Variants in EPS8L2 observed in about 807,000 individuals in gnomAD.
The protein encoded by EPS8L2 is epidermal growth factor receptor kinase substrate 8-like protein 2.
In EPS8L2, 81 loss-of-function variants were observed where a neutral mutation model predicts 99.4. The ratio of observed to expected loss-of-function variants is 0.82; its 90% CI spans 0.68 to 0.98. The LOEUF (loss-of-function observed/expected upper bound fraction) is 0.98. Among genes scored for constraint, EPS8L2 ranks in the 50% least tolerant of loss-of-function variants. The pLI, the probability that EPS8L2 is intolerant of heterozygous loss-of-function variation, is 0.00. For missense variants in EPS8L2, 1,155 were observed against 968.8 expected (o/e 1.19, Z -2.55); for synonymous variants, 509 against 407.3 (o/e 1.25, Z -3.01).
intron 15 of EPS8L2, among the ~76,000 whole-genome samples, chr11:723,969 C>G (rs1014943342): frequency 1.3e-5 from 2 of 152,232 alleles, no homozygotes; most frequent in African/African-American, 4.8e-5. Flanking sequence ...GCATGGCCTC[C>G]CCTCACCCAC....
chr11:709,128 C>G (rs1861814363), intron 1 of EPS8L2: 1 of 523,972 alleles, frequency 1.9e-6, no homozygotes. Flanking sequence ...CACCTAGGGT[C>G]TGAGGCATGA....
At position 717,254 on chromosome 11, in the gene EPS8L2, C is replaced by T. The variant is rs896974332; in HGVS notation, c.166-2808C>T. On this transcript the variant is annotated intron_variant, in intron 4 of 20. Coordinates refer to ENST00000318562, the MANE Select transcript of EPS8L2 (RefSeq NM_022772.4). ...CCTCCCAAAGTGCTGGGATTACAGG[C>T]ATGAGCCACCGTGTCTGGCCCTGTG... Among the ~76,000 whole-genome samples the T allele has an allele frequency of 1.4e-4, 21 of 152,320 alleles. No homozygotes were observed. In the East Asian group the frequency reaches 2.1e-3, roughly 15 times the overall value.
At chr11:707,215 C>G (rs555780323) in intron 1 of EPS8L2, among the ~76,000 whole-genome samples, 14 of 152,288 alleles carry the variant, frequency 9.2e-5, no homozygotes, top group Admixed American at 2.6e-4. Flanking sequence ...CCCACCGGGC[C>G]TTCTCCGCCT....
chr11:706,982 G>C (rs1390687767), intron 1 of EPS8L2, among the ~76,000 whole-genome samples: 1 of 152,026 alleles, frequency 6.6e-6, no homozygotes, highest in Non-Finnish European at 1.5e-5. Context: ...GTTGCCCCTT[G>C]CTGCGGGGTG....
intron 4 of EPS8L2, among the ~76,000 whole-genome samples, chr11:717,136 C>T (rs1161439104): frequency 3.9e-5 from 6 of 152,086 alleles, no homozygotes; most frequent in African/African-American, 1.2e-4. Context: ...ACCACCACGC[C>T]GGGCTAATTT....
intron 20 of EPS8L2, 31 bp from the exon 21 acceptor site, chr11:726,870 G>A (rs760495440): frequency 6.2e-7 from 1 of 1,605,306 alleles, no homozygotes; most frequent in Non-Finnish European, 8.5e-7. Context: ...TGGGACCCCC[G>A]GCTGAGGATG....
At chr11:726,871 G>T in intron 20 of EPS8L2, 30 bp from the exon 21 acceptor site, 2 of 1,605,600 alleles carry the variant, frequency 1.2e-6, no homozygotes, top group Non-Finnish European at 8.5e-7. Context: ...GGGACCCCCG[G>T]CTGAGGATGC....
At position 709,460 on chromosome 11, in the gene EPS8L2, T is replaced by TG; in HGVS notation, c.44+9_44+10insG. On this transcript the variant is annotated intron_variant, in intron 2 of 20. Coordinates refer to ENST00000318562, the MANE Select transcript of EPS8L2 (RefSeq NM_022772.4). ...TGCCCGGGTGCCACCAAGTGAGCCC[T>TG]CCCACCCATCCCGAATACCCCACCC... 17 of 1,018,680 alleles carry TG rather than the reference T, an allele frequency of 1.7e-5. No homozygotes were observed. Among genetic ancestry groups the TG allele is most frequent in the Non-Finnish European group, 2.5e-5 (17 of 686,806 alleles). 63.1% of individuals were successfully genotyped at this position (1,018,680 alleles called of 1,614,324 possible). A position where few individuals can be genotyped will look rare whatever the true frequency, so the allele number is the denominator to read the frequency against.
At position 726,713 on chromosome 11, in the gene EPS8L2, G is replaced by A. The variant is rs757034596; in HGVS notation, c.2029G>A (p.Val677Met). ...KKVCGEEGVR[V>M]YSQLTMQKAF... Reference sequence around the variant, plus strand: ...AGTGTGCGGCGAGGAGGGCGTCCGCGTGTACAGCCAGCTCACCATGCAGAA... The same window carrying A: ...AGTGTGCGGCGAGGAGGGCGTCCGCATGTACAGCCAGCTCACCATGCAGAA... Residue 677 changes from valine (V) to methionine (M), a missense_variant, in exon 20 of 21, where the codon GTG becomes ATG. Val to Met is a conservative substitution (Grantham distance 21, BLOSUM62 1). Coordinates refer to ENST00000318562, the MANE Select transcript of EPS8L2 (RefSeq NM_022772.4). 16 of 1,593,728 alleles carry A rather than the reference G, an allele frequency of 1.0e-5. No individual in the cohort carries two copies. The highest frequency in any genetic ancestry group is 1.3e-5 in the Non-Finnish European group (15 of 1,171,878).
chr11:723,674 G>C (rs971903252), intron 15 of EPS8L2, among the ~76,000 whole-genome samples: 2 of 152,052 alleles, frequency 1.3e-5, no homozygotes, highest in Non-Finnish European at 2.9e-5. Context: ...CACCCTGTTG[G>C]GGCTGTTGGG....
intron 4 of EPS8L2, among the ~76,000 whole-genome samples, chr11:711,772 T>A (rs1861895583): frequency 6.6e-6 from 1 of 151,550 alleles, no homozygotes; most frequent in Non-Finnish European, 1.5e-5. Context: ...TCATCTGAGG[T>A]TAGGAGTTTG....
At position 727,289 on chromosome 11, in the gene EPS8L2, C is replaced by A. The variant is rs1241461659; in HGVS notation, c.*308C>A. ...CTCTTTCTCTGGCCTCCCCTGTGCA[C>A]CTGGGGGGTCCTGGCCCCTGTGATG... On this transcript the variant is annotated 3_prime_UTR_variant, in exon 21 of 21. Coordinates refer to ENST00000318562, the MANE Select transcript of EPS8L2 (RefSeq NM_022772.4). 1.4e-5 allele frequency: 4 copies of A among 284,602 alleles called. No individual in the cohort carries two copies. Among genetic ancestry groups the A allele is most frequent in the Non-Finnish European group, 2.7e-5 (4 of 148,364 alleles). The allele number at this position is 284,602 out of a possible 1,614,324, so 17.6% of individuals were successfully genotyped here.
chr11:723,817 G>A (rs1862252378), intron 15 of EPS8L2, among the ~76,000 whole-genome samples: 1 of 150,086 alleles, frequency 6.7e-6, no homozygotes, highest in South Asian at 2.1e-4. Flanking sequence ...TATGGCACTA[G>A]GGGAGTCCCG....
At chr11:713,285 G>C (rs535255424) in intron 4 of EPS8L2, among the ~76,000 whole-genome samples, 1 of 152,166 alleles carries the variant, frequency 6.6e-6, no homozygotes, top group African/African-American at 2.4e-5. Context: ...CACCATAGTC[G>C]ACCCATCAGC....
At position 724,622 on chromosome 11, in the gene EPS8L2, C is replaced by T; in HGVS notation, c.1455-102C>T. On this transcript the variant is annotated intron_variant, in intron 15 of 20. Coordinates refer to ENST00000318562, the MANE Select transcript of EPS8L2 (RefSeq NM_022772.4). The surrounding 1 kb of genome is among the most constrained non-coding windows in gnomAD (Gnocchi z 5.5). ...GGTGACCTCCAGAACAGAAAAGAGG[C>T]AGCCAGTCGTGCACCTGGGAAGCTG... The T allele has an allele frequency of 5.2e-6, 4 of 776,250 alleles. No homozygotes were observed. Among genetic ancestry groups the T allele is most frequent in the South Asian group, 4.3e-5 (3 of 69,358 alleles). 48.1% of individuals were successfully genotyped at this position (776,250 alleles called of 1,614,324 possible). A position where few individuals can be genotyped will look rare whatever the true frequency, so the allele number is the denominator to read the frequency against.
chr11:726,977 G>A lies in EPS8L2; in HGVS notation c.2144G>A (p.Ser715Asn). 1.9e-6 allele frequency: 3 copies of A among 1,611,848 alleles called. No homozygotes were observed. The highest frequency in any genetic ancestry group is 2.5e-6 in the Non-Finnish European group (3 of 1,178,830). Residue 715 changes from serine (S) to asparagine (N), a missense_variant, in exon 21 of 21, where the codon AGC (serine) becomes AAC (asparagine). Transcript: ENST00000318562. ...ATGAATCAGAGGAGGGGGGAGGACA[G>A]CTAGGCCCAGCTGCCTTGGGCTGGG... ...HSMNQRRGED[S>N]
chr11:714,812 TA>T (rs748592711), intron 4 of EPS8L2, among the ~76,000 whole-genome samples: 5 of 152,052 alleles, frequency 3.3e-5, no homozygotes, highest in Non-Finnish European at 7.4e-5. Context: ...ATATTGTTGT[TA>T]GGGGTATTTT....
rs984580971 is a variant in EPS8L2 at position 722,238 on chromosome 11, G to A, written c.1059+73G>A. 3.0e-5 allele frequency: 47 copies of A among 1,567,866 alleles called. No individual in the cohort carries two copies. The East Asian group carries it at 5.9e-4, about 20-fold the overall frequency. ...CCTCTGCAGCATCTCCCCGGGGTCG[G>A]GGTTGGGGCAGCAGGTGCCCGCCTT... On this transcript the variant is annotated intron_variant, in intron 12 of 20. Coordinates refer to ENST00000318562, the MANE Select transcript of EPS8L2 (RefSeq NM_022772.4).
intron 4 of EPS8L2, among the ~76,000 whole-genome samples, chr11:719,757 C>T (rs574689091): frequency 6.6e-6 from 1 of 152,272 alleles, no homozygotes; most frequent in Admixed American, 6.5e-5. Context: ...GGGAGGCTGG[C>T]AAAGCTGGTG....
Sources: gnomAD v4.1 joint callset for allele counts (sites outside exome capture counted in the v4.1 genomes callset) on GRCh38, gnomAD v4.1.1 for gene constraint, Gnocchi (gnomAD v3.1) non-coding constraint, MANE v1.5 for transcripts, NCBI Gene and HGNC (gene_info 2026-07-23, HGNC 2026-07-21) for gene names.